The following ZC3H12B variants were observed in gnomAD, a reference collection of about 807,000 sequenced individuals.
ZC3H12B encodes the protein zinc finger CCCH-type containing 12B.
Under a neutral mutation model 43.9 loss-of-function variants are expected in ZC3H12B, and 7 were observed. The ratio of observed to expected loss-of-function variants is 0.16; its 90% CI spans 0.09 to 0.30. The LOEUF is 0.30. ZC3H12B is among the 10% of genes least tolerant of loss of function. The pLI is 1.00. For synonymous variants in ZC3H12B, 222 were observed against 241.7 expected, an observed-to-expected ratio of 0.92 and a Z score of 0.76; for missense variants, 475 against 670.2, an observed-to-expected ratio of 0.71 and a Z score of 3.22.
chrX:65,040,890 T>A, the ZC3H12B span, among the ~76,000 whole-genome samples: 1 of 110,909 alleles, frequency 9.0e-6, no homozygotes, highest in Non-Finnish European at 1.9e-5. Flanking sequence ...GCTCAAGCGA[T>A]CCTCCCACCT....
chrX:65,425,839 G>C (rs1041627828), intron 3 of ZC3H12B, among the ~76,000 whole-genome samples: 4 of 111,512 alleles, frequency 3.6e-5, no homozygotes, highest in Admixed American at 9.6e-5. Flanking sequence ...TAAGCTTTTT[G>C]ATATGCTACT....
chrX:65,230,043 C>T, the ZC3H12B span, among the ~76,000 whole-genome samples: 2 of 110,876 alleles, frequency 1.8e-5, no homozygotes, highest in Non-Finnish European at 1.9e-5. Flanking sequence ...GGGTATATAC[C>T]CAAAGGACTA....
At chrX:65,463,484 GC>G (rs769859039) in intron 3 of ZC3H12B, among the ~76,000 whole-genome samples, 1 of 111,622 alleles carries the variant, frequency 9.0e-6, no homozygotes, top group Admixed American at 9.5e-5. Context: ...TCCTGAGGTT[GC>G]TGTAACAAAC....
chrX:65,150,918 G>A, the ZC3H12B span, among the ~76,000 whole-genome samples: 1 of 111,152 alleles, frequency 9.0e-6, no homozygotes, highest in African/African-American at 3.3e-5. Context: ...CTTCCTAGTT[G>A]TTTCTAATGA....
At chrX:65,077,296 G>T in the ZC3H12B span, among the ~76,000 whole-genome samples, 1 of 111,864 alleles carries the variant, frequency 8.9e-6, no homozygotes, top group East Asian at 2.8e-4. Context: ...ACTGAGTCTT[G>T]TGTCAATTAA....
chrX:65,131,600 G>T, the ZC3H12B span, among the ~76,000 whole-genome samples: 1 of 111,438 alleles, frequency 9.0e-6, no homozygotes, highest in Non-Finnish European at 1.9e-5. Context: ...GGTCAGCTAG[G>T]TTTGCTTTTG....
chrX:65,269,808 A>AT, the ZC3H12B span, among the ~76,000 whole-genome samples: 4 of 110,478 alleles, frequency 3.6e-5, no homozygotes, highest in African/African-American at 6.7e-5. Context: ...CATAGGAATA[A>AT]TTTTTTTAAA....
chrX:65,207,007 A>T, the ZC3H12B span, among the ~76,000 whole-genome samples: 1 of 109,453 alleles, frequency 9.1e-6, no homozygotes, highest in South Asian at 3.9e-4. Flanking sequence ...CAAAAAAAAA[A>T]ATAATATTGG....
the ZC3H12B span, among the ~76,000 whole-genome samples, chrX:65,343,906 G>T: frequency 2.3e-3 from 255 of 111,874 alleles, 2 homozygotes; most frequent in African/African-American, 7.7e-3. Context: ...GAGATGATAT[G>T]GTTATACATC....
chrX:65,259,392 C>T, the ZC3H12B span, among the ~76,000 whole-genome samples: 2 of 112,080 alleles, frequency 1.8e-5, no homozygotes. Context: ...TTCCTCTTTA[C>T]ACCTTATATG....
At chrX:65,087,568 C>T in the ZC3H12B span, among the ~76,000 whole-genome samples, 3 of 111,288 alleles carry the variant, frequency 2.7e-5, no homozygotes, top group Admixed American at 9.5e-5. Context: ...GGACTAGATG[C>T]ACAATCAGAG....
chrX:65,462,495 C>T (rs916803298), intron 3 of ZC3H12B, among the ~76,000 whole-genome samples: 1 of 110,822 alleles, frequency 9.0e-6, no homozygotes, highest in African/African-American at 3.3e-5. Flanking sequence ...AGCAAGACGC[C>T]GTCTCAAAAA....
chrX:65,459,853 G>A (rs1375062861), intron 3 of ZC3H12B, among the ~76,000 whole-genome samples: 1 of 111,388 alleles, frequency 9.0e-6, no homozygotes, highest in Non-Finnish European at 1.9e-5. Context: ...GGACGTTCTG[G>A]CCAGGGCAAT....
At chrX:65,122,824 G>A in the ZC3H12B span, among the ~76,000 whole-genome samples, 2 of 111,424 alleles carry the variant, frequency 1.8e-5, no homozygotes, top group East Asian at 2.8e-4. Flanking sequence ...CAATTCAACA[G>A]GAAGAGCTAA....
chrX:65,449,886 A>G (rs911736238), intron 3 of ZC3H12B, among the ~76,000 whole-genome samples: 2 of 111,321 alleles, frequency 1.8e-5, no homozygotes, highest in Non-Finnish European at 3.8e-5. Flanking sequence ...CAGATAAAAA[A>G]CTATATGTTG....
chrX:65,188,223 G>T, the ZC3H12B span, among the ~76,000 whole-genome samples: 3 of 111,281 alleles, frequency 2.7e-5, no homozygotes, highest in Non-Finnish European at 5.7e-5. Context: ...TGGACACTTA[G>T]GTTGCTTCCA....
At chrX:65,223,356 G>A in the ZC3H12B span, among the ~76,000 whole-genome samples, 3 of 110,758 alleles carry the variant, frequency 2.7e-5, no homozygotes, top group Non-Finnish European at 3.8e-5. Flanking sequence ...TCTAAGATCT[G>A]AAACTGTAAA....
chrX:65,374,616 T>C (rs780338991), intron 2 of ZC3H12B, among the ~76,000 whole-genome samples: 3 of 110,441 alleles, frequency 2.7e-5, no homozygotes, highest in Admixed American at 2.0e-4. Flanking sequence ...TATTTGGTTT[T>C]AACTTTATAT....
the ZC3H12B span, among the ~76,000 whole-genome samples, chrX:65,288,506 T>A: frequency 8.9e-6 from 1 of 112,238 alleles, no homozygotes; most frequent in Non-Finnish European, 1.9e-5. Flanking sequence ...TTAACGTGTA[T>A]AAAAGAATAA....
Sources: allele counts gnomAD v4.1 joint callset (sites outside exome capture counted in the v4.1 genomes callset), GRCh38; gene constraint gnomAD v4.1.1; transcripts MANE v1.5; gene names NCBI Gene and HGNC (gene_info 2026-07-23, HGNC 2026-07-21).